The following LOC128125814 variants were observed in gnomAD, a reference collection of about 807,000 sequenced individuals.
chr12:57,518,937 G>A, the LOC128125814 span, among the ~76,000 whole-genome samples: 2 of 152,178 alleles, frequency 1.3e-5, no homozygotes, highest in African/African-American at 2.4e-5. Context: ...TGGGATTACA[G>A]GTGTGAGCCA....
chr12:57,519,506 G>C, the LOC128125814 span, among the ~76,000 whole-genome samples: 2 of 152,176 alleles, frequency 1.3e-5, no homozygotes, highest in South Asian at 4.1e-4. Context: ...TATAGGGAAG[G>C]GGCAGAAGCA....
the LOC128125814 span, chr12:57,519,301 C>A: frequency 2.1e-6 from 1 of 469,796 alleles, no homozygotes; most frequent in Non-Finnish European, 4.4e-6. Flanking sequence ...GACCTCCATC[C>A]TGAACATTCT....
At chr12:57,519,722 C>G in the LOC128125814 span, among the ~76,000 whole-genome samples, 1 of 152,214 alleles carries the variant, frequency 6.6e-6, no homozygotes, top group South Asian at 2.1e-4. Context: ...AGCTGGGAGA[C>G]AGGACCGGGT....
At chr12:57,519,213 C>T in the LOC128125814 span, 1 of 533,026 alleles carries the variant, frequency 1.9e-6, no homozygotes, top group Non-Finnish European at 3.8e-6. Flanking sequence ...CTTCCTATTT[C>T]ATGTCATGGA....
At chr12:57,520,218 G>A in the LOC128125814 span, among the ~76,000 whole-genome samples, 1 of 152,202 alleles carries the variant, frequency 6.6e-6, no homozygotes, top group Non-Finnish European at 1.5e-5. Flanking sequence ...CCGTGTTCCG[G>A]CTCCGGGCAG....
chr12:57,519,646 G>A, the LOC128125814 span, among the ~76,000 whole-genome samples: 1 of 152,204 alleles, frequency 6.6e-6, no homozygotes. Context: ...ATCAGCAGTA[G>A]AGCCTCAGGT....
At chr12:57,518,613 C>T in the LOC128125814 span, among the ~76,000 whole-genome samples, 1 of 152,194 alleles carries the variant, frequency 6.6e-6, no homozygotes, top group East Asian at 1.9e-4. Flanking sequence ...TATCATCCTT[C>T]ATTCCTCTTC....
the LOC128125814 span, chr12:57,519,366 A>G: frequency 2.7e-6 from 1 of 376,794 alleles, no homozygotes; most frequent in Admixed American, 3.3e-5. Flanking sequence ...TGTTTACTGT[A>G]GGCCTCCCAC....
chr12:57,520,025 C>T, the LOC128125814 span, among the ~76,000 whole-genome samples: 1 of 152,220 alleles, frequency 6.6e-6, no homozygotes, highest in Admixed American at 6.5e-5. Context: ...GGAGAAGGCC[C>T]GCTGGTGGCG....
the LOC128125814 span, among the ~76,000 whole-genome samples, chr12:57,518,464 C>A: frequency 6.6e-6 from 1 of 152,228 alleles, no homozygotes; most frequent in Admixed American, 6.5e-5. Flanking sequence ...CTGCTGTCTA[C>A]TGCCTACTTG....
At chr12:57,517,828 C>CT in the LOC128125814 span, 1 of 425,854 alleles carries the variant, frequency 2.3e-6, no homozygotes. Flanking sequence ...TTCTTTTTTT[C>CT]TTTCTTTTTT....
chr12:57,519,284 A>G, the LOC128125814 span: 7 of 506,130 alleles, frequency 1.4e-5, no homozygotes, highest in Non-Finnish European at 2.8e-5. Flanking sequence ...ACCTGATGTA[A>G]CACTCTGACC....
the LOC128125814 span, among the ~76,000 whole-genome samples, chr12:57,519,844 C>A: frequency 1.3e-5 from 2 of 152,208 alleles, no homozygotes; most frequent in Middle Eastern, 3.4e-3. Flanking sequence ...GCCCAGAGAC[C>A]TCTACGGCAA....
chr12:57,518,875 T>C, the LOC128125814 span, among the ~76,000 whole-genome samples: 2 of 152,158 alleles, frequency 1.3e-5, no homozygotes, highest in Non-Finnish European at 2.9e-5. Flanking sequence ...GCCAGGCTGG[T>C]CTTGAACTCC....
chr12:57,519,582 C>G, the LOC128125814 span, among the ~76,000 whole-genome samples: 3 of 152,226 alleles, frequency 2.0e-5, no homozygotes, highest in Non-Finnish European at 4.4e-5. Context: ...CTCTGCAGGG[C>G]TGTCCTCCCT....
chr12:57,518,025 C>T, the LOC128125814 span, among the ~76,000 whole-genome samples: 4 of 152,100 alleles, frequency 2.6e-5, no homozygotes, highest in Non-Finnish European at 5.9e-5. Flanking sequence ...TAGGGTTTCA[C>T]TATGTTGGCC....
At chr12:57,519,771 C>T in the LOC128125814 span, among the ~76,000 whole-genome samples, 1 of 152,184 alleles carries the variant, frequency 6.6e-6, no homozygotes, top group East Asian at 1.9e-4. Flanking sequence ...AGGACAATAC[C>T]CTGGGGAGAC....
the LOC128125814 span, chr12:57,520,323 A>C: frequency 1.3e-5 from 5 of 397,990 alleles, no homozygotes; most frequent in Non-Finnish European, 2.2e-5. Flanking sequence ...ACGGTCCCTA[A>C]CTTCACTGTG....
chr12:57,517,832 CT>C, the LOC128125814 span: 31,066 of 354,648 alleles, frequency 0.088, no homozygotes, highest in Middle Eastern at 0.11. Context: ...TTTTTTCTTT[CT>C]TTTTTTTTTT....
Sources: allele counts gnomAD v4.1 joint callset (sites outside exome capture counted in the v4.1 genomes callset), GRCh38; gene constraint gnomAD v4.1.1; transcripts MANE v1.5.